NUDT22: variants seen among roughly 807,000 people sequenced by gnomAD.
The protein encoded by NUDT22 is nudix hydrolase 22.
A neutral mutation model predicts 28.8 loss-of-function variants in NUDT22; 23 were observed. That is an observed-to-expected ratio of 0.80 (90% CI 0.58 to 1.13). The LOEUF (loss-of-function observed/expected upper bound fraction) is 1.13, where lower values mean the gene tolerates loss of function less well. Among genes scored for constraint, NUDT22 ranks in the 50% most tolerant of loss-of-function variants. The pLI is 0.00. For missense variants in NUDT22, 358 were observed against 387.3 expected, an observed-to-expected ratio of 0.92 and a Z score of 0.64; for synonymous variants, 175 against 173.7, an observed-to-expected ratio of 1.01 and a Z score of -0.06.
chr11:64,227,100 G>GT lies in NUDT22; in HGVS notation c.449dup (p.Asp151GlyfsTer8). ...GCAGGTGGCTGAGGCCCCTGGGCTG[G>GT]TGGACGTACCTGGTGGGCACCCTGA... is the stretch of plus-strand genomic sequence containing the variant. On this transcript the variant is annotated frameshift_variant, in exon 2 of 6. Transcript: ENST00000279206. LOFTEE classifies it high-confidence loss of function. 6.3e-7 allele frequency: 1 copy of GT among 1,595,914 alleles called. No homozygotes were observed. The highest frequency in any genetic ancestry group is 8.5e-7 in the Non-Finnish European group (1 of 1,175,604).
chr11:64,226,907 T>G lies in NUDT22; in HGVS notation c.255T>G (p.Thr85=). The change falls in exon 2 of 6, where the codon ACT becomes ACG. Residue 85 remains threonine (T), a synonymous_variant. Coordinates refer to ENST00000279206, the MANE Select transcript of NUDT22 (RefSeq NM_032344.4). ...AGCTGCTCCTGCGCCTGGGCCTTAC[T>G]TCCTACCGAGACTTCCTGGGCACCA... ...GPQLLLRLGL[T]SYRDFLGTNW... is the part of the protein sequence containing the mutation. 6.2e-7 allele frequency: 1 copy of G among 1,602,854 alleles called. No homozygotes were observed. The highest frequency in any genetic ancestry group is 8.5e-7 in the Non-Finnish European group (1 of 1,179,924).
chr11:64,230,173 C>T, downstream of NUDT22: 2 of 771,110 alleles, frequency 2.6e-6, no homozygotes, highest in Non-Finnish European at 4.4e-6. Flanking sequence ...CCTTTCTTTG[C>T]TGGCTCCAGA....
At chr11:64,227,329 A>C in intron 2 of NUDT22, 197 bp downstream of exon 2, 1 of 760,952 alleles carries the variant, frequency 1.3e-6, no homozygotes, top group Non-Finnish European at 2.3e-6. Context: ...ACTAGAAAAC[A>C]CGGGAGGAAA....
At chr11:64,229,118 C>T in intron 3 of NUDT22, 129 bp from the exon 4 acceptor site, 1 of 610,776 alleles carries the variant, frequency 1.6e-6, no homozygotes, top group Non-Finnish European at 2.9e-6. Context: ...TTCTGTAATG[C>T]TGGGTCCTTG....
intron 1 of NUDT22, 39 bp downstream of exon 1, chr11:64,226,466 C>A: frequency 1.4e-6 from 2 of 1,410,858 alleles, no homozygotes; most frequent in Non-Finnish European, 1.8e-6. Flanking sequence ...CTGCGGGACT[C>A]GGGGCTCCTG....
At chr11:64,226,598 C>T (rs1009092108) in intron 1 of NUDT22, 37 bp from the exon 2 acceptor site, 6 of 1,522,114 alleles carry the variant, frequency 3.9e-6, no homozygotes, top group Admixed American at 4.3e-5. Flanking sequence ...TGGTAGTGGC[C>T]CCCCTGGATG....
intron 3 of NUDT22, 184 bp from the exon 4 acceptor site, chr11:64,229,063 C>G (rs1947124023): frequency 1.8e-6 from 1 of 566,622 alleles, no homozygotes. Context: ...TTCAATCTCT[C>G]TGGTTTTGGT....
At position 64,227,463 on chromosome 11, in the gene NUDT22, C is replaced by G. The variant is rs570273310; in HGVS notation, c.481-105C>G. 4.6e-6 allele frequency: 4 copies of G among 865,442 alleles called. No individual in the cohort carries two copies. The East Asian group carries it at 9.7e-5, about 21-fold the overall frequency. 53.6% of individuals were successfully genotyped at this position (865,442 alleles called of 1,614,324 possible). A position where few individuals can be genotyped will look rare whatever the true frequency, so the allele number is the denominator to read the frequency against. ...ACTCAGGATCACTAACTCTCTTACA[C>G]TGTGCCACATCAGACCCTCAAGGCC... is the stretch of plus-strand genomic sequence containing the variant. On this transcript the variant is annotated intron_variant, in intron 2 of 5. Coordinates refer to ENST00000279206, the MANE Select transcript of NUDT22 (RefSeq NM_032344.4).
rs747988744 is a variant in NUDT22 at position 64,229,235 on chromosome 11, C to T, written c.580-12C>T. The T allele has an allele frequency of 1.2e-5, 19 of 1,552,786 alleles. 1 individual carries two copies. In the Admixed American group the frequency reaches 3.5e-4, roughly 28 times the overall value. ...TAGGTGGGACCTCCCCCCACCCCACCCTCCACCGCAGGTGAACCTGCCGCT... is the reference window on the plus strand; with the variant it reads ...TAGGTGGGACCTCCCCCCACCCCACTCTCCACCGCAGGTGAACCTGCCGCT... On this transcript the variant is annotated splice_polypyrimidine_tract_variant and intron_variant, in intron 3 of 5. Coordinates refer to ENST00000279206, the MANE Select transcript of NUDT22 (RefSeq NM_032344.4).
At chr11:64,227,760 A>G in intron 3 of NUDT22, 94 bp downstream of exon 3, 1 of 985,000 alleles carries the variant, frequency 1.0e-6, no homozygotes, top group Non-Finnish European at 1.6e-6. Context: ...GGAGGCCTGC[A>G]GGCATCTGGC....
At chr11:64,228,182 CTT>C (rs1207902951) in intron 3 of NUDT22, among the ~76,000 whole-genome samples, 2 of 68,866 alleles carry the variant, frequency 2.9e-5, no homozygotes, top group Admixed American at 4.0e-4. Flanking sequence ...GATTCTTCTT[CTT>C]TTTTTTTTTT....
downstream of NUDT22, chr11:64,230,192 G>A: frequency 1.4e-6 from 1 of 721,516 alleles, no homozygotes; most frequent in Non-Finnish European, 2.5e-6. Context: ...GAGAGGCTCC[G>A]GGGCGGAAGC....
chr11:64,226,520 G>A (rs1947024110), intron 1 of NUDT22, 93 bp downstream of exon 1: 1 of 1,488,052 alleles, frequency 6.7e-7, no homozygotes, highest in Non-Finnish European at 8.9e-7. Context: ...TGGTCAGGGG[G>A]GTGGAGAAGC....
At chr11:64,229,148 C>T in intron 3 of NUDT22, 99 bp from the exon 4 acceptor site, 1 of 719,064 alleles carries the variant, frequency 1.4e-6, no homozygotes. Flanking sequence ...CTATAAAATG[C>T]TGTACACAGG....
rs367699671 is a variant in NUDT22 at position 64,226,292 on chromosome 11, C to T, written c.-154C>T. 7.7e-4 allele frequency: 641 copies of T among 831,494 alleles called. 8 individuals carry two copies. In the South Asian group the frequency reaches 0.019, roughly 25 times the overall value. The allele number at this position is 831,494 out of a possible 1,614,324, so 51.5% of individuals were successfully genotyped here. On this transcript the variant is annotated 5_prime_UTR_variant, in exon 1 of 6. Coordinates refer to ENST00000279206, the MANE Select transcript of NUDT22 (RefSeq NM_032344.4). ...AAGGGGCGGAGCCTGAGGGACCCGG[C>T]GGCTGGTGAGCGCCCGCTGGAGGCT...
chr11:64,229,659 C>A, intron 5 of NUDT22, 88 bp downstream of exon 5: 1 of 1,400,934 alleles, frequency 7.1e-7, no homozygotes, highest in Admixed American at 1.7e-5. Flanking sequence ...GAGGTGTTGG[C>A]TGGGTCACAA....
chr11:64,227,626 A>C lies in NUDT22; in HGVS notation c.539A>C (p.His180Pro). 1 of 1,614,128 alleles carries C rather than the reference A, an allele frequency of 6.2e-7. No individual in the cohort carries two copies. The highest frequency in any genetic ancestry group is 1.1e-5 in the South Asian group (1 of 91,084). The change falls in exon 3 of 6, where the codon CAT (histidine) becomes CCT (proline). Residue 180 changes from histidine (H) to proline (P), a missense_variant. Physicochemically the swap from His to Pro is moderately conservative, Grantham distance 77 (BLOSUM62 -2). Coordinates refer to ENST00000279206, the MANE Select transcript of NUDT22 (RefSeq NM_032344.4). Reference sequence around the variant, plus strand: ...GACCTCGCTGGGCAGCTGGTGGTACATGAACTCTTTTCCAGTGTCCTTCAG... The same window carrying C: ...GACCTCGCTGGGCAGCTGGTGGTACCTGAACTCTTTTCCAGTGTCCTTCAG... ...HQDLAGQLVV[H>P]ELFSSVLQEI... is the part of the protein sequence containing the mutation.
chr11:64,226,824 GC>G lies in NUDT22; in HGVS notation c.177del (p.Lys60SerfsTer68). On this transcript the variant is annotated frameshift_variant, in exon 2 of 6. Transcript: ENST00000279206. LOFTEE classifies it high-confidence loss of function. ...AAAGGCCCAACCCTGGCTCTTCGAC[GC>G]CCCCAAGTTCCGCCTGCACTCAGCC... ...RLKAQPWLFD[A>X]PKFRLHSATL... The G allele has an allele frequency of 6.2e-7, 1 of 1,609,530 alleles. No homozygotes were observed.
intron 3 of NUDT22, chr11:64,228,577 TG>T (rs1482677246): frequency 6.6e-6 from 1 of 150,792 alleles, no homozygotes; most frequent in Non-Finnish European, 1.5e-5. Context: ...GGCAGGAGAA[TG>T]GCGTGAACCC....
Sources: gnomAD v4.1 joint callset for allele counts (sites outside exome capture counted in the v4.1 genomes callset) on GRCh38, gnomAD v4.1.1 for gene constraint, MANE v1.5 for transcripts, NCBI Gene and HGNC (gene_info 2026-07-23, HGNC 2026-07-21) for gene names.